THSD7A: variants seen among roughly 807,000 people sequenced by gnomAD.
THSD7A encodes the protein thrombospondin type-1 domain-containing protein 7A.
THSD7A carries 96 observed loss-of-function variants against 231.3 expected under a neutral mutation model. The observed-to-expected ratio is 0.41, with a 90% CI of 0.35 to 0.49. The LOEUF (loss-of-function observed/expected upper bound fraction) is 0.49. THSD7A is among the 20% of genes least tolerant of loss of function. The pLI, the probability that THSD7A is intolerant of heterozygous loss-of-function variation, is 0.05. For synonymous variants in THSD7A, 940 were observed against 743.3 expected, an observed-to-expected ratio of 1.26 and a Z score of -4.30; for missense variants, 2,290 against 2,070.2, an observed-to-expected ratio of 1.11 and a Z score of -2.06.
At chr7:11,804,343 AAGAT>A (rs1784348700) in intron 1 of THSD7A, among the ~76,000 whole-genome samples, 1 of 152,168 alleles carries the variant, frequency 6.6e-6, no homozygotes, top group Non-Finnish European at 1.5e-5. Context: ...TATTAAGAGA[AAGAT>A]AGTGAATTTA....
At chr7:11,787,866 T>C (rs978476864) in intron 1 of THSD7A, among the ~76,000 whole-genome samples, 1 of 152,036 alleles carries the variant, frequency 6.6e-6, no homozygotes, top group African/African-American at 2.4e-5. Flanking sequence ...CTAAATTAAC[T>C]AAAAGTTAAT....
At chr7:11,821,056 C>A in intron 1 of THSD7A, 2 of 990,862 alleles carry the variant, frequency 2.0e-6, no homozygotes, top group African/African-American at 1.6e-5. Context: ...CGAGCCAAAC[C>A]ATGTTTTATG....
intron 6 of THSD7A, among the ~76,000 whole-genome samples, chr7:11,534,300 C>A (rs965453889): frequency 6.6e-6 from 1 of 152,174 alleles, no homozygotes; most frequent in African/African-American, 2.4e-5. Flanking sequence ...TCTGGATTGT[C>A]ACTTGTGACT....
Position 11,411,409 on chromosome 7 carries a change from A to G in THSD7A, c.3683-87T>C. ...CTCTGATGACCTGAATCCCATATTT[A>G]ATTCACAACTGCTTCCTAAGCCCCA... On this transcript the variant is annotated intron_variant, in intron 18 of 27. Coordinates refer to ENST00000423059, the MANE Select transcript of THSD7A (RefSeq NM_015204.3). This position sits in a 1 kb window ranked among gnomAD's most constrained non-coding sequence, Gnocchi z 4.1. 1.2e-6 allele frequency: 1 copy of G among 843,818 alleles called. No homozygotes were observed. Among genetic ancestry groups the G allele is most frequent in the Non-Finnish European group, 1.9e-6 (1 of 526,102 alleles). 52.3% of individuals were successfully genotyped at this position (843,818 alleles called of 1,614,324 possible).
intron 2 of THSD7A, among the ~76,000 whole-genome samples, chr7:11,600,627 A>C (rs1780518040): frequency 6.6e-6 from 1 of 152,186 alleles, no homozygotes. Context: ...CATTCTCAAT[A>C]ATCAATAGTG....
chr7:11,426,053 T>A, intron 15 of THSD7A, among the ~76,000 whole-genome samples: 1 of 118,430 alleles, frequency 8.4e-6, no homozygotes. Context: ...AAACTTAGAG[T>A]ATAATAAAAA....
intron 4 of THSD7A, among the ~76,000 whole-genome samples, chr7:11,562,101 G>A (rs959486043): frequency 6.6e-6 from 1 of 152,134 alleles, no homozygotes; most frequent in Non-Finnish European, 1.5e-5. Flanking sequence ...GTGGACCAGT[G>A]CAGAATCTGG....
At chr7:11,769,563 T>A (rs893870113) in intron 1 of THSD7A, among the ~76,000 whole-genome samples, 3 of 152,062 alleles carry the variant, frequency 2.0e-5, no homozygotes, top group Non-Finnish European at 4.4e-5. Flanking sequence ...AACACTTTTC[T>A]AAGCAAAATT....
At chr7:11,693,536 G>A (rs1210632350) in intron 1 of THSD7A, among the ~76,000 whole-genome samples, 1 of 151,558 alleles carries the variant, frequency 6.6e-6, no homozygotes, top group African/African-American at 2.4e-5. Flanking sequence ...AGTTGTTGAG[G>A]TATCCAGTCA....
chr7:11,569,283 C>T (rs1341713039), intron 4 of THSD7A, among the ~76,000 whole-genome samples: 1 of 152,032 alleles, frequency 6.6e-6, no homozygotes, highest in Non-Finnish European at 1.5e-5. Flanking sequence ...AACTATTCAT[C>T]CAACAAGGCA....
chr7:11,527,396 T>C (rs1030147605), intron 6 of THSD7A, among the ~76,000 whole-genome samples: 3 of 151,912 alleles, frequency 2.0e-5, no homozygotes, highest in African/African-American at 7.3e-5. Context: ...AAAATATATA[T>C]ATATATATGT....
intron 1 of THSD7A, among the ~76,000 whole-genome samples, chr7:11,665,226 C>A (rs994062406): frequency 6.6e-6 from 1 of 152,050 alleles, no homozygotes; most frequent in Admixed American, 6.6e-5. Context: ...ACTCTCTGAT[C>A]TAGTTATTAT....
intron 4 of THSD7A, among the ~76,000 whole-genome samples, chr7:11,550,494 T>G (rs184633145): frequency 6.6e-6 from 1 of 152,254 alleles, no homozygotes. Flanking sequence ...CCCCATGCTA[T>G]TCTCATGATA....
At chr7:11,511,196 G>C (rs946694442) in intron 6 of THSD7A, among the ~76,000 whole-genome samples, 11 of 152,046 alleles carry the variant, frequency 7.2e-5, no homozygotes, top group African/African-American at 2.7e-4. Flanking sequence ...GCTTCAAAGA[G>C]AATAAAATAC....
At chr7:11,410,371 G>A (rs1031342292) in intron 19 of THSD7A, 3 of 152,184 alleles carry the variant, frequency 2.0e-5, no homozygotes, top group African/African-American at 7.2e-5. Context: ...CCCAGGATGT[G>A]TAGACAGAAG....
chr7:11,786,740 A>G lies in THSD7A; in HGVS notation c.190+45017T>C, dbSNP rs1783804465. On this transcript the variant is annotated intron_variant, in intron 1 of 27. Coordinates refer to ENST00000423059, the MANE Select transcript of THSD7A (RefSeq NM_015204.3). ...AAACCAATGTGTGCACATGTACCCT[A>G]AAACTTAGAGTATAATAATAAAAAA... Among the ~76,000 whole-genome samples, 4 of 146,322 alleles carry G rather than the reference A, an allele frequency of 2.7e-5. No homozygotes were observed. In the South Asian group the frequency reaches 8.8e-4, roughly 32 times the overall value.
chr7:11,463,443 G>C (rs1448605381), intron 9 of THSD7A, among the ~76,000 whole-genome samples: 1 of 152,068 alleles, frequency 6.6e-6, no homozygotes, highest in Non-Finnish European at 1.5e-5. Flanking sequence ...GCTGGGTTTG[G>C]GAATAGGATA....
At chr7:11,747,744 T>C (rs1721472411) in intron 1 of THSD7A, among the ~76,000 whole-genome samples, 1 of 151,876 alleles carries the variant, frequency 6.6e-6, no homozygotes, top group African/African-American at 2.4e-5. Context: ...GCTCAAAACC[T>C]GGAGAGTTTA....
chr7:11,739,921 GGT>G (rs947031144), intron 1 of THSD7A, among the ~76,000 whole-genome samples: 2 of 151,968 alleles, frequency 1.3e-5, no homozygotes, highest in African/African-American at 4.8e-5. Context: ...CTAATAAGAG[GGT>G]GTGTTAACGT....
Sources: allele counts gnomAD v4.1 joint callset (sites outside exome capture counted in the v4.1 genomes callset), GRCh38; gene constraint gnomAD v4.1.1; non-coding constraint Gnocchi (gnomAD v3.1); transcripts MANE v1.5; gene names NCBI Gene and HGNC (gene_info 2026-07-23, HGNC 2026-07-21).